CLTC: variants seen among roughly 807,000 people sequenced by gnomAD.
The protein encoded by CLTC is clathrin heavy chain 1.
A neutral mutation model predicts 195.8 loss-of-function variants in CLTC; 16 were observed. That is an observed-to-expected ratio of 0.08 (90% confidence interval 0.06 to 0.12). CLTC has a LOEUF of 0.12. Ranked by LOEUF, CLTC falls within the 10% of genes least tolerant of loss-of-function variation. The pLI is 1.00. For synonymous variants in CLTC, 667 were observed against 689.4 expected (o/e 0.97, Z 0.51); for missense variants, 796 against 2,027.0 (o/e 0.39, Z 11.66).
chr17:59,657,989 A>G (rs2032514964), intron 6 of CLTC, among the ~76,000 whole-genome samples: 1 of 152,012 alleles, frequency 6.6e-6, no homozygotes, highest in Admixed American at 6.6e-5. Flanking sequence ...ACCTGGGGTC[A>G]GGAGTTTGAG....
intron 9 of CLTC, 174 bp from the exon 10 acceptor site, chr17:59,664,613 C>A: frequency 4.4e-5 from 21 of 474,946 alleles, no homozygotes; most frequent in South Asian, 3.0e-4. Context: ...TAAAAATTGA[C>A]AGATGTTTGT....
chr17:59,694,399 TACAG>T lies in CLTC; in HGVS notation c.*551_*554del, dbSNP rs906162656. 1.2e-4 allele frequency: 27 copies of T among 224,544 alleles called. No individual in the cohort carries two copies. Among genetic ancestry groups the T allele is most frequent in the Non-Finnish European group, 2.2e-4 (25 of 112,448 alleles). The allele number at this position is 224,544 out of a possible 1,614,324, so 13.9% of individuals were successfully genotyped here. A position where few individuals can be genotyped will look rare whatever the true frequency, so the allele number is the denominator to read the frequency against. On this transcript the variant is annotated 3_prime_UTR_variant, in exon 32 of 32. Coordinates refer to ENST00000269122, the MANE Select transcript of CLTC (RefSeq NM_004859.4). ...TGCTTCCCAGATTATTGAAAAATGT[TACAG>T]ACAACTTGCCTGATTTTTAAATGAG... is the stretch of plus-strand genomic sequence containing the variant.
Position 59,647,425 on chromosome 17 carries a change from T to C in CLTC, c.278T>C (p.Ile93Thr), listed in dbSNP as rs1186515309. Residue 93 changes from isoleucine (I) to threonine (T), a missense_variant, in exon 3 of 32, where the codon ATT becomes ACT. By Grantham distance (89) the Ile-to-Thr change is moderately conservative. Around this residue, in one of 9 missense-constraint regions of CLTC, gnomAD observed 293 missense variants for 795.6 expected, o/e 0.37. Coordinates refer to ENST00000269122, the MANE Select transcript of CLTC (RefSeq NM_004859.4). ...GGGAAAACTCTTCAGATTTTTAACA[T>C]TGAAATGAAAAGTAAAATGAAGGCT... ...KAGKTLQIFNIEMKSKMKAHT... is the reference protein window; with the variant it reads ...KAGKTLQIFNTEMKSKMKAHT... The C allele has an allele frequency of 1.2e-6, 2 of 1,612,858 alleles. No homozygotes were observed. The highest frequency in any genetic ancestry group is 8.5e-7 in the Non-Finnish European group (1 of 1,179,312).
At chr17:59,628,355 T>C (rs1365013038) in intron 1 of CLTC, among the ~76,000 whole-genome samples, 1 of 152,222 alleles carries the variant, frequency 6.6e-6, no homozygotes, top group South Asian at 2.1e-4. Flanking sequence ...GACTACAGTA[T>C]GTTTTTGTAT....
chr17:59,645,530 ATT>A (rs2143500729), intron 2 of CLTC, among the ~76,000 whole-genome samples: 1 of 152,332 alleles, frequency 6.6e-6, no homozygotes, highest in East Asian at 1.9e-4. Flanking sequence ...TTAAAAAGGC[ATT>A]CGATTGCCTG....
At position 59,696,432 on chromosome 17, in the gene CLTC, G is replaced by A. The variant is rs747857417; in HGVS notation, c.*2580G>A. ...TAGAGAGGTGGAGCCACTTAAAATG[G>A]GCCTATTACCAAAATTCTCCCTGGC... On this transcript the variant is annotated 3_prime_UTR_variant, in exon 32 of 32. Coordinates refer to ENST00000269122, the MANE Select transcript of CLTC (RefSeq NM_004859.4). The A allele has an allele frequency of 4.6e-5, 10 of 216,270 alleles. No individual in the cohort carries two copies. The highest frequency in any genetic ancestry group is 8.4e-5 in the Non-Finnish European group (9 of 107,464). The allele number at this position is 216,270 out of a possible 1,614,324, so 13.4% of individuals were successfully genotyped here. A position where few individuals can be genotyped will look rare whatever the true frequency, so the allele number is the denominator to read the frequency against.
chr17:59,676,653 A>G (rs1160368306), intron 16 of CLTC, among the ~76,000 whole-genome samples: 4 of 152,284 alleles, frequency 2.6e-5, no homozygotes, highest in Admixed American at 2.0e-4. Context: ...CCAATTTATA[A>G]TAGGATCACT....
intron 14 of CLTC, 57 bp downstream of exon 14, chr17:59,668,997 A>AG: frequency 2.7e-6 from 4 of 1,506,344 alleles, no homozygotes; most frequent in Non-Finnish European, 3.6e-6. Context: ...CAGTTCTACA[A>AG]GGGTTTGGTC....
chr17:59,650,275 A>G (rs7215807), intron 4 of CLTC, among the ~76,000 whole-genome samples: 118,066 of 152,034 alleles, frequency 0.78, 46,793 homozygotes, highest in East Asian at 0.94. Context: ...GATTAGAGAG[A>G]CAACTCAAAT....
At chr17:59,626,570 TTCTCACTTAG>T (rs1354303726) in intron 1 of CLTC, among the ~76,000 whole-genome samples, 2 of 152,222 alleles carry the variant, frequency 1.3e-5, no homozygotes, top group Admixed American at 1.3e-4. Context: ...GAAGTGAATC[TTCTCACTTAG>T]ATGAGCAGTA....
rs2032745316 is a variant in CLTC at position 59,666,941 on chromosome 17, CTGAT to C, written c.2096_2099del (p.Ile699AsnfsTer45). 1 of 1,612,668 alleles carries C rather than the reference CTGAT, an allele frequency of 6.2e-7. No individual in the cohort carries two copies. Among genetic ancestry groups the C allele is most frequent in the Non-Finnish European group, 8.5e-7 (1 of 1,179,628 alleles). ...TCATGAACAACTGTCAACTCAGTCT[CTGAT>C]TGAACTTTTTGAATCTTTCAAGAGT... On this transcript the variant is annotated frameshift_variant, in exon 13 of 32. Coordinates refer to ENST00000269122, the MANE Select transcript of CLTC (RefSeq NM_004859.4). LOFTEE classifies it high-confidence loss of function. The surrounding 1 kb of genome is among the most constrained non-coding windows in gnomAD (Gnocchi z 4.9).
chr17:59,692,093 C>T lies in CLTC; in HGVS notation c.4903+1382C>T, dbSNP rs560218403. Reference sequence around the variant, plus strand: ...CAGCACTTTGGGAGGCCAAGGTGGGCGGATCATGAGGTCAGGAGATCAAGA... The same window carrying T: ...CAGCACTTTGGGAGGCCAAGGTGGGTGGATCATGAGGTCAGGAGATCAAGA... On this transcript the variant is annotated intron_variant, in intron 31 of 31. Coordinates refer to ENST00000269122, the MANE Select transcript of CLTC (RefSeq NM_004859.4). Among the ~76,000 whole-genome samples, 26 of 152,164 alleles carry T rather than the reference C, an allele frequency of 1.7e-4. No individual in the cohort carries two copies. The East Asian group carries it at 1.9e-3, about 11-fold the overall frequency.
In CLTC at chr17:59,696,683, CAA is replaced by C. The variant is rs1413846462; in HGVS notation, c.*2833_*2834del. 2 of 208,876 alleles carry C rather than the reference CAA, an allele frequency of 9.6e-6. No individual in the cohort carries two copies. Among genetic ancestry groups the C allele is most frequent in the Non-Finnish European group, 1.9e-5 (2 of 102,744 alleles). The allele number at this position is 208,876 out of a possible 1,614,324, so 12.9% of individuals were successfully genotyped here. On this transcript the variant is annotated 3_prime_UTR_variant, in exon 32 of 32. Coordinates refer to ENST00000269122, the MANE Select transcript of CLTC (RefSeq NM_004859.4). ...AGGGAAAAAAGGCACCCTTAATTGT[CAA>C]AGTTAGTTCTAGGAAAAAATACTAG...
intron 1 of CLTC, among the ~76,000 whole-genome samples, chr17:59,635,366 A>G (rs755310500): frequency 9.2e-5 from 14 of 152,246 alleles, no homozygotes; most frequent in African/African-American, 3.1e-4. Context: ...CTACAAATCT[A>G]TGATTCATTA....
intron 31 of CLTC, among the ~76,000 whole-genome samples, chr17:59,693,134 A>G (rs2033346402): frequency 6.6e-6 from 1 of 152,154 alleles, no homozygotes; most frequent in East Asian, 1.9e-4. Context: ...TGGGAGGGCA[A>G]GATGGGCTGA....
At chr17:59,692,170 G>A (rs937086135) in intron 31 of CLTC, among the ~76,000 whole-genome samples, 12 of 151,994 alleles carry the variant, frequency 7.9e-5, no homozygotes, top group Admixed American at 3.9e-4. Context: ...TACAAAAATT[G>A]GCTGGGCATG....
chr17:59,674,765 T>A lies in CLTC; in HGVS notation c.2483T>A (p.Val828Asp). Residue 828 changes from valine (V) to aspartate (D), a missense_variant, in exon 16 of 32, where the codon GTC (valine) becomes GAC (aspartate). Physicochemically the swap from Val to Asp is radical, Grantham distance 152. Coordinates refer to ENST00000269122, the MANE Select transcript of CLTC (RefSeq NM_004859.4). ...GLLDVDCSED[V>D]IKNLILVVRG... ...CTTGATGTTGACTGTTCTGAAGATG[T>A]CATAAAAAACTTGATTCTTGTTGTA... 1 of 1,613,438 alleles carries A rather than the reference T, an allele frequency of 6.2e-7. No homozygotes were observed.
intron 4 of CLTC, 40 bp from the exon 5 acceptor site, chr17:59,651,163 A>G (rs1212884220): frequency 8.0e-7 from 1 of 1,252,532 alleles, no homozygotes; most frequent in Non-Finnish European, 1.2e-6. Context: ...TCAACTGCTA[A>G]TGTATAGGTT....
At chr17:59,644,773 G>A (rs1285684864) in intron 2 of CLTC, among the ~76,000 whole-genome samples, 9 of 151,976 alleles carry the variant, frequency 5.9e-5, no homozygotes, top group African/African-American at 2.2e-4. Context: ...GGCTGGTCTC[G>A]AACTCCTAAC....
Sources: gnomAD v4.1 joint callset for allele counts (sites outside exome capture counted in the v4.1 genomes callset) on GRCh38, gnomAD v4.1.1 for gene constraint, gnomAD v4.1.1 regional missense constraint, Gnocchi (gnomAD v3.1) non-coding constraint, MANE v1.5 for transcripts, NCBI Gene and HGNC (gene_info 2026-07-23, HGNC 2026-07-21) for gene names.